Variants in MRC1 observed in about 807,000 individuals in gnomAD.
The protein encoded by MRC1 is macrophage mannose receptor 1.
MRC1 carries 62 observed loss-of-function variants against 102.9 expected under a neutral mutation model. That is an observed-to-expected ratio of 0.60 (90% CI 0.49 to 0.74). The LOEUF is 0.74. MRC1 is among the 30% of genes least tolerant of loss of function. MRC1 has a pLI of 0.00. For synonymous variants in MRC1, 457 were observed against 298.4 expected, an observed-to-expected ratio of 1.53 and a Z score of -5.48; for missense variants, 1,237 against 862.8, an observed-to-expected ratio of 1.43 and a Z score of -5.43.
chr10:17,900,646 A>T, intron 24 of MRC1, 142 bp from the exon 25 acceptor site: 1 of 720,778 alleles, frequency 1.4e-6, no homozygotes, highest in African/African-American at 1.8e-5. Context: ...GAAATGATTT[A>T]TAGTGTTCTT....
chr10:17,865,086 A>G (rs1833245431), intron 11 of MRC1, among the ~76,000 whole-genome samples: 1 of 152,232 alleles, frequency 6.6e-6, no homozygotes, highest in South Asian at 2.1e-4. Context: ...ACATTGTTTA[A>G]TATGACAACA....
In MRC1 at chr10:17,834,202, G is replaced by A. The variant is rs1057377643; in HGVS notation, c.802+363G>A. ...CATCCAGGTCTAACCTGAAGCCACA[G>A]GTCTTTCATTAGCCTCATAGAGGTC... On this transcript the variant is annotated intron_variant, in intron 4 of 29. Coordinates refer to ENST00000569591, the MANE Select transcript of MRC1 (RefSeq NM_002438.4). 3.3e-5 allele frequency among the ~76,000 whole-genome samples: 5 copies of A among 152,122 alleles called. No homozygotes were observed. The South Asian group carries it at 1.0e-3, about 32-fold the overall frequency.
chr10:17,872,916 A>G (rs1173638023), intron 15 of MRC1, among the ~76,000 whole-genome samples: 2 of 152,168 alleles, frequency 1.3e-5, no homozygotes, highest in Non-Finnish European at 2.9e-5. Flanking sequence ...CTTGGCAACC[A>G]TTTCAACTCT....
chr10:17,889,846 G>A (rs906885707), intron 22 of MRC1, among the ~76,000 whole-genome samples: 8 of 151,992 alleles, frequency 5.3e-5, no homozygotes, highest in Non-Finnish European at 1.2e-4. Context: ...TGAAGAGACC[G>A]GTATCTGTTA....
At chr10:17,884,296 TGGTCCCCTA>T (rs1381743593) in intron 21 of MRC1, among the ~76,000 whole-genome samples, 1 of 152,156 alleles carries the variant, frequency 6.6e-6, no homozygotes, top group African/African-American at 2.4e-5. Context: ...AGCATCAGGA[TGGTCCCCTA>T]GATCCAAGCA....
At chr10:17,902,325 G>A (rs1383436981) in intron 26 of MRC1, among the ~76,000 whole-genome samples, 6 of 152,142 alleles carry the variant, frequency 3.9e-5, no homozygotes, top group East Asian at 1.9e-4. Context: ...TAGAGAATTC[G>A]GGTAGAAAAC....
At chr10:17,858,902 A>G (rs1423185151) in intron 9 of MRC1, among the ~76,000 whole-genome samples, 1 of 152,250 alleles carries the variant, frequency 6.6e-6, no homozygotes, top group Non-Finnish European at 1.5e-5. Flanking sequence ...TGCTTCTGAA[A>G]CTTCTGAAAC....
intron 17 of MRC1, 82 bp downstream of exon 17, chr10:17,875,335 T>C: frequency 1.3e-6 from 1 of 758,840 alleles, no homozygotes; most frequent in Non-Finnish European, 2.4e-6. Context: ...AGTTCTTTAG[T>C]GGTGATTTCT....
chr10:17,879,514 T>A (rs1833483776), intron 18 of MRC1, among the ~76,000 whole-genome samples: 1 of 152,126 alleles, frequency 6.6e-6, no homozygotes. Flanking sequence ...CAACCATGCC[T>A]GGCTAATTTT....
chr10:17,851,302 T>A (rs1838912782), intron 7 of MRC1, among the ~76,000 whole-genome samples: 1 of 152,118 alleles, frequency 6.6e-6, no homozygotes, highest in African/African-American at 2.4e-5. Flanking sequence ...GATAAGATTT[T>A]ATTTTAAACA....
chr10:17,863,443 A>G (rs1833214230), intron 10 of MRC1, 91 bp from the exon 11 acceptor site: 3 of 770,736 alleles, frequency 3.9e-6, no homozygotes, highest in African/African-American at 1.7e-5. Context: ...TAGCTCAAAC[A>G]TAGGACTGAG....
rs941691075 is a variant in MRC1 at position 17,831,760 on chromosome 10, A to T, written c.638-1915A>T. Among the ~76,000 whole-genome samples, 131 of 151,832 alleles carry T rather than the reference A, an allele frequency of 8.6e-4. 2 individuals are homozygous for T. Among genetic ancestry groups the T allele is most frequent in the African/African-American group, 3.1e-3 (127 of 41,072 alleles). ...GAATTTTATATTATTAAAAAGAAAA[A>T]AGAAATATTCACTACATGAAGCATG... On this transcript the variant is annotated intron_variant, in intron 3 of 29. Coordinates refer to ENST00000569591, the MANE Select transcript of MRC1 (RefSeq NM_002438.4).
intron 15 of MRC1, 41 bp from the exon 16 acceptor site, chr10:17,873,743 G>T (rs1252918816): frequency 1.2e-6 from 1 of 867,476 alleles, no homozygotes; most frequent in Non-Finnish European, 2.0e-6. Context: ...ATTAGCAGAA[G>T]TTTAAGTACA....
chr10:17,844,879 G>A (rs1838802041), intron 5 of MRC1, among the ~76,000 whole-genome samples: 1 of 152,110 alleles, frequency 6.6e-6, no homozygotes, highest in Admixed American at 6.6e-5. Flanking sequence ...GCCTCTAGTT[G>A]CATCCATGTT....
At chr10:17,822,389 T>C (rs1838409152) in intron 1 of MRC1, among the ~76,000 whole-genome samples, 1 of 152,162 alleles carries the variant, frequency 6.6e-6, no homozygotes, top group Non-Finnish European at 1.5e-5. Flanking sequence ...TTTGAGAGGC[T>C]GAAGTGGGAA....
At chr10:17,883,238 A>G (rs1833543003) in intron 21 of MRC1, among the ~76,000 whole-genome samples, 1 of 152,058 alleles carries the variant, frequency 6.6e-6, no homozygotes, top group Admixed American at 6.6e-5. Flanking sequence ...AGTAATCCTC[A>G]TGTCTTAGCC....
intron 1 of MRC1, among the ~76,000 whole-genome samples, chr10:17,819,152 T>C (rs1838356109): frequency 2.0e-5 from 3 of 151,978 alleles, no homozygotes; most frequent in Non-Finnish European, 1.5e-5. Flanking sequence ...TCAACCAGAA[T>C]GTGGTGTACA....
intron 17 of MRC1, among the ~76,000 whole-genome samples, chr10:17,875,636 A>G (rs1833426034): frequency 1.3e-5 from 2 of 152,178 alleles, no homozygotes; most frequent in African/African-American, 2.4e-5. Context: ...TGGTATGTCT[A>G]TACCACATTT....
At chr10:17,812,453 T>C (rs1346208462) in intron 1 of MRC1, among the ~76,000 whole-genome samples, 1 of 152,176 alleles carries the variant, frequency 6.6e-6, no homozygotes, top group Admixed American at 6.5e-5. Flanking sequence ...ATTTGACTTA[T>C]GCTGTTTTGC....
Sources: gnomAD v4.1 joint callset for allele counts (sites outside exome capture counted in the v4.1 genomes callset) on GRCh38, gnomAD v4.1.1 for gene constraint, MANE v1.5 for transcripts, NCBI Gene and HGNC (gene_info 2026-07-23, HGNC 2026-07-21) for gene names.